SPATA31C2: variants seen among roughly 807,000 people sequenced by gnomAD.
SPATA31C2 encodes SPATA31 subfamily C member 2, also known as spermatogenesis-associated protein 31C2.
A neutral mutation model predicts 11.4 loss-of-function variants in SPATA31C2; 5 were observed. That is an observed-to-expected ratio of 0.44 (90% confidence interval 0.23 to 0.92). The LOEUF (loss-of-function observed/expected upper bound fraction) is 0.92. SPATA31C2 is among the 40% of genes least tolerant of loss of function. SPATA31C2 has a pLI of 0.24. For missense variants in SPATA31C2, 1,353 were observed against 1,368.6 expected, an observed-to-expected ratio of 0.99 and a Z score of 0.18; for synonymous variants, 515 against 538.7, an observed-to-expected ratio of 0.96 and a Z score of 0.61.
chr9:88,132,652 G>C lies in SPATA31C2; in HGVS notation c.385C>G (p.Pro129Ala). 2 of 1,609,026 alleles carry C rather than the reference G, an allele frequency of 1.2e-6. No homozygotes were observed. The highest frequency in any genetic ancestry group is 1.7e-6 in the Non-Finnish European group (2 of 1,177,338). ...DFGQLSGPDP[P>A]GEVGKRTPDG... ...GGTGTTCTTTTGCCCACCTCACCTG[G>C]CGGGTCTGGACCAGAGAGCTGACCA... The change falls in exon 4 of 4, where the codon CCA becomes GCA. Residue 129 changes from proline to alanine, a missense_variant. Pro to Ala is a conservative substitution (Grantham distance 27, BLOSUM62 -1). Coordinates refer to ENST00000324915, the MANE Select transcript of SPATA31C2 (RefSeq NM_001350978.3).
Position 88,132,140 on chromosome 9 carries a change from G to C in SPATA31C2, c.897C>G (p.Phe299Leu). ...GATGATCTTGCTGGACTGACGAGTT[G>C]AAGACGCACCAGGTTTTGGTAGTCT... The part of the protein sequence containing the change: ...SQETTKTWCV[F>L]NSSVQQDHLS... The change falls in exon 4 of 4, where the codon TTC becomes TTG. Residue 299 changes from phenylalanine (F) to leucine (L), a missense_variant. Transcript: ENST00000324915. 6.2e-7 allele frequency: 1 copy of C among 1,610,636 alleles called. No homozygotes were observed. The highest frequency in any genetic ancestry group is 2.2e-5 in the East Asian group (1 of 44,742).
At position 88,138,009 on chromosome 9, in the gene SPATA31C2, G is replaced by C. The variant is rs1442493251; in HGVS notation, c.189+249C>G. Among the ~76,000 whole-genome samples the C allele has an allele frequency of 2.0e-5, 2 of 100,138 alleles. 1 individual carries two copies. Among genetic ancestry groups the C allele is most frequent in the Non-Finnish European group, 3.5e-5 (2 of 57,746 alleles). 65.7% of individuals were successfully genotyped at this position (100,138 alleles called of 152,430 possible). ...GACCGGTCCTGGCCGCTGAGCCCACGGGTTTGATTTTGCCTTCATGCCTCC... is the reference window on the plus strand; with the variant it reads ...GACCGGTCCTGGCCGCTGAGCCCACCGGTTTGATTTTGCCTTCATGCCTCC... On this transcript the variant is annotated intron_variant, in intron 1 of 3. Transcript: ENST00000324915.
At chr9:88,134,432 C>G (rs1325623222) in intron 1 of SPATA31C2, among the ~76,000 whole-genome samples, 3 of 151,288 alleles carry the variant, frequency 2.0e-5, no homozygotes, top group Non-Finnish European at 4.4e-5. Flanking sequence ...AGCCAGGGCT[C>G]AGGGCCTGGC....
chr9:88,136,219 C>T (rs1389967437), intron 1 of SPATA31C2, among the ~76,000 whole-genome samples: 2 of 144,980 alleles, frequency 1.4e-5, no homozygotes, highest in East Asian at 3.9e-4. Flanking sequence ...AGGCGTGAGC[C>T]ACCGTGCCGG....
Position 88,130,878 on chromosome 9 carries a change from A to C in SPATA31C2, c.2159T>G (p.Leu720Arg), listed in dbSNP as rs1337659067. The C allele has an allele frequency of 2.5e-6, 4 of 1,613,794 alleles. No individual in the cohort carries two copies. In the East Asian group the frequency reaches 6.7e-5, roughly 27 times the overall value. ...PPMASLRKQV[L>R]TKPSVHMPER... The stretch of plus-strand genomic sequence containing the variant: ...TGGCATGTGAACAGATGGTTTGGTC[A>C]GCACCTGCTTTCTCAGACTTGCCAT... Residue 720 changes from leucine to arginine, a missense_variant, in exon 4 of 4, where the codon CTG (leucine) becomes CGG (arginine). Coordinates refer to ENST00000324915, the MANE Select transcript of SPATA31C2 (RefSeq NM_001350978.3).
intron 2 of SPATA31C2, 131 bp from the exon 3 acceptor site, chr9:88,133,157 A>G (rs1054437360): frequency 4.3e-6 from 3 of 703,108 alleles, no homozygotes; most frequent in Non-Finnish European, 5.9e-6. Context: ...CCAAAGCCAC[A>G]TGGCCCCGAC....
chr9:88,132,758 G>A lies in SPATA31C2; in HGVS notation c.327-48C>T, dbSNP rs77804165. ...GCTGCAGCCAGGAGCAGATGGGTTC[G>A]GAGGGCAGAGTGGGCGCTTGGGCCA... On this transcript the variant is annotated intron_variant, in intron 3 of 3. Transcript: ENST00000324915. 18,872 of 1,567,408 alleles carry A rather than the reference G, an allele frequency of 0.012. 1,881 individuals carry two copies. The East Asian group carries it at 0.26, about 21-fold the overall frequency.
rs1411250596 is a variant in SPATA31C2, at chr9:88,133,633, C to G, written c.226G>C (p.Gly76Arg). The G allele has an allele frequency of 4.4e-6, 7 of 1,583,782 alleles. No homozygotes were observed. The highest frequency in any genetic ancestry group is 1.1e-5 in the South Asian group (1 of 90,468). Residue 76 changes from glycine (G) to arginine (R), a missense_variant, in exon 2 of 4, where the codon GGG becomes CGG. Around this residue, in one of 6 missense-constraint regions of SPATA31C2, gnomAD observed 67 missense variants for 41.4 expected, o/e 1.62. Transcript: ENST00000324915. ...LVSQRPAGRR[G>R]RPRGRMKNHS... ...TTTTTCATCCTGCCTCTGGGCCTCC[C>G]CCTCCGCCCTGCTGGACGCTGGGAG...
chr9:88,136,420 T>G (rs1825682901), intron 1 of SPATA31C2, among the ~76,000 whole-genome samples: 1 of 143,496 alleles, frequency 7.0e-6, no homozygotes, highest in African/African-American at 2.6e-5. Flanking sequence ...TTTGAAAACT[T>G]TAAACAATAT....
At chr9:88,136,090 C>CCAT (rs1825677183) in intron 1 of SPATA31C2, among the ~76,000 whole-genome samples, 4 of 137,496 alleles carry the variant, frequency 2.9e-5, no homozygotes, top group Admixed American at 2.9e-4. Context: ...TGTGCTACCA[C>CCAT]GCCCGGCTAA....
In SPATA31C2 at chr9:88,136,673, G is replaced by A. The variant is rs1342557809; in HGVS notation, c.189+1585C>T. ...ATTTCATATTTTTACATTGAGATGT[G>A]ATCTTTTTTTTTTTTTTGAGATGGA... On this transcript the variant is annotated intron_variant, in intron 1 of 3. Transcript: ENST00000324915. Among the ~76,000 whole-genome samples the A allele has an allele frequency of 6.2e-5, 9 of 145,124 alleles. No individual in the cohort carries two copies. In the East Asian group the frequency reaches 1.8e-3, roughly 28 times the overall value.
Position 88,130,120 on chromosome 9 carries a change from C to G in SPATA31C2, c.2917G>C (p.Gly973Arg), listed in dbSNP as rs954492604. 6.2e-7 allele frequency: 1 copy of G among 1,607,910 alleles called. No individual in the cohort carries two copies. The highest frequency in any genetic ancestry group is 1.7e-5 in the Admixed American group (1 of 59,740). The change falls in exon 4 of 4, where the codon GGA (glycine) becomes CGA (arginine). Residue 973 changes from glycine (G) to arginine (R), a missense_variant. Coordinates refer to ENST00000324915, the MANE Select transcript of SPATA31C2 (RefSeq NM_001350978.3). ...NLEKHEEMFQ[G>R]LRTPQLTPGR... ...GGGGTAAGTTGAGGAGTCCTCAATC[C>G]TTGAAACATTTCTTCATGTTTTTCT...
rs760780162 is a variant in SPATA31C2, at chr9:88,131,332, T to C, written c.1705A>G (p.Arg569Gly). 3 of 1,611,932 alleles carry C rather than the reference T, an allele frequency of 1.9e-6. No homozygotes were observed. The highest frequency in any genetic ancestry group is 2.5e-6 in the Non-Finnish European group (3 of 1,179,854). The change falls in exon 4 of 4, where the codon AGG becomes GGG. Residue 569 changes from arginine to glycine, a missense_variant. By Grantham distance (125) the Arg-to-Gly change is moderately radical. This residue lies in a region of SPATA31C2 where 1,075 missense variants were observed against 992.8 expected (regional missense o/e 1.08). Transcript: ENST00000324915. ...TTCAGGATGTTTTCTATATGATTCC[T>C]CTCTGTGCGTCTTAATAAATCACTT... is the stretch of plus-strand genomic sequence containing the variant. The part of the protein sequence containing the change: ...SGSDLLRRTE[R>G]NHIENILKAH...
intron 1 of SPATA31C2, among the ~76,000 whole-genome samples, chr9:88,136,213 G>A (rs377686189): frequency 0.013 from 1,872 of 142,498 alleles, 1 homozygote; most frequent in Non-Finnish European, 0.019. Context: ...GATTACAGGC[G>A]TGAGCCACCG....
intron 2 of SPATA31C2, 136 bp downstream of exon 2, chr9:88,133,458 C>T (rs1212237625): frequency 7.2e-6 from 9 of 1,251,372 alleles, no homozygotes; most frequent in Admixed American, 2.2e-5. Flanking sequence ...GGCACAGAAT[C>T]TGAGAAGGAC....
Position 88,131,581 on chromosome 9 carries a change from G to C in SPATA31C2, c.1456C>G (p.Pro486Ala), listed in dbSNP as rs1468879346. 3 of 1,611,742 alleles carry C rather than the reference G, an allele frequency of 1.9e-6. No homozygotes were observed. Among genetic ancestry groups the C allele is most frequent in the Non-Finnish European group, 2.5e-6 (3 of 1,179,800 alleles). Residue 486 changes from proline (P) to alanine (A), a missense_variant, in exon 4 of 4, where the codon CCC (proline) becomes GCC (alanine). Transcript: ENST00000324915. ...GACGTGGAGGACTGCCAGGGCCTGG[G>C]TTTGCCCTTGGCCTGACTTGTCCCT... ...LPGTSQAKGK[P>A]RPWQSSTSTG...
Position 88,130,856 on chromosome 9 carries a change from C to T in SPATA31C2, c.2181G>A (p.Met727Ile), listed in dbSNP as rs773479440. The T allele has an allele frequency of 6.2e-7, 1 of 1,613,672 alleles. No homozygotes were observed. The highest frequency in any genetic ancestry group is 8.5e-7 in the Non-Finnish European group (1 of 1,179,884). Residue 727 changes from methionine to isoleucine, a missense_variant, in exon 4 of 4, where the codon ATG (methionine) becomes ATA (isoleucine). Physicochemically the swap from Met to Ile is conservative, Grantham distance 10. Around this residue, in one of 6 missense-constraint regions of SPATA31C2, gnomAD observed 1,075 missense variants for 992.8 expected, o/e 1.08. Transcript: ENST00000324915. ...KQVLTKPSVHMPERLQASSPA... is the reference protein window; with the variant it reads ...KQVLTKPSVHIPERLQASSPA... ...GTGAGGAGGCCTGAAGCCTCTCTGGCATGTGAACAGATGGTTTGGTCAGCA... is the reference window on the plus strand; with the variant it reads ...GTGAGGAGGCCTGAAGCCTCTCTGGTATGTGAACAGATGGTTTGGTCAGCA...
rs368409401 is a variant in SPATA31C2 at position 88,133,576 on chromosome 9, G to T, written c.265+18C>A. 3.2e-6 allele frequency: 5 copies of T among 1,577,974 alleles called. No individual in the cohort carries two copies. Among genetic ancestry groups the T allele is most frequent in the Non-Finnish European group, 1.7e-6 (2 of 1,160,876 alleles). On this transcript the variant is annotated intron_variant, in intron 2 of 3. Transcript: ENST00000324915. The stretch of plus-strand genomic sequence containing the variant: ...GATGAGATCAAATTAACTCTAGTGT[G>T]CCCTGGCAGAGCCTTACCTCTCAGA...
Position 88,132,070 on chromosome 9 carries a change from C to T in SPATA31C2, c.967G>A (p.Ala323Thr). The T allele has an allele frequency of 6.2e-7, 1 of 1,610,718 alleles. No individual in the cohort carries two copies. The highest frequency in any genetic ancestry group is 1.1e-5 in the South Asian group (1 of 91,032). The change falls in exon 4 of 4, where the codon GCC becomes ACC. Residue 323 changes from alanine (A) to threonine (T), a missense_variant. Physicochemically the swap from Ala to Thr is moderately conservative, Grantham distance 58. This residue lies in a region of SPATA31C2 where 1,075 missense variants were observed against 992.8 expected (regional missense o/e 1.08). Coordinates refer to ENST00000324915, the MANE Select transcript of SPATA31C2 (RefSeq NM_001350978.3). ...GGCTCCAGATGGGACAGGGGCTGGG[C>T]CTGGAAAAGCAGTGGGGACATTGTA... ...DTTMSPLLFQ[A>T]QPLSHLEPES...
Sources: gnomAD v4.1 joint callset for allele counts (sites outside exome capture counted in the v4.1 genomes callset) on GRCh38, gnomAD v4.1.1 for gene constraint, gnomAD v4.1.1 regional missense constraint, MANE v1.5 for transcripts, NCBI Gene and HGNC (gene_info 2026-07-23, HGNC 2026-07-21) for gene names.